Variants in ZFPM2 observed in about 807,000 individuals in gnomAD.
ZFPM2 encodes the protein zinc finger protein, FOG family member 2, also known as zinc finger protein ZFPM2.
ZFPM2 carries 20 observed loss-of-function variants against 98.6 expected under a neutral mutation model. The ratio of observed to expected loss-of-function variants is 0.20; its 90% confidence interval spans 0.14 to 0.29. ZFPM2 has a LOEUF of 0.29. Among genes scored for constraint, ZFPM2 ranks in the 10% least tolerant of loss-of-function variants. The pLI is 1.00. For synonymous variants in ZFPM2, 518 were observed against 502.7 expected (o/e 1.03, Z -0.41); for missense variants, 1,310 against 1,388.6 (o/e 0.94, Z 0.90).
intron 2 of ZFPM2, among the ~76,000 whole-genome samples, chr8:105,422,213 G>A (rs1471650742): frequency 8.6e-5 from 13 of 151,998 alleles, no homozygotes; most frequent in South Asian, 2.1e-4. Context: ...TGAGGCAGGC[G>A]GATCACCTGA....
intron 3 of ZFPM2, among the ~76,000 whole-genome samples, chr8:105,452,593 T>TA (rs1375747595): frequency 6.0e-5 from 9 of 150,806 alleles, no homozygotes; most frequent in East Asian, 3.9e-4. Flanking sequence ...TACAAAAAAT[T>TA]AAAAAAAAAT....
chr8:105,606,332 A>G (rs1586145357), intron 4 of ZFPM2, among the ~76,000 whole-genome samples: 1 of 151,774 alleles, frequency 6.6e-6, no homozygotes, highest in African/African-American at 2.4e-5. Context: ...CTTCTTCTAT[A>G]TACGTTCAGA....
chr8:105,635,975 C>A (rs1008005285), intron 5 of ZFPM2, among the ~76,000 whole-genome samples: 11 of 151,888 alleles, frequency 7.2e-5, no homozygotes, highest in Non-Finnish European at 2.9e-5. Context: ...GGAAATGAGA[C>A]CCAAGTCTAA....
intron 3 of ZFPM2, among the ~76,000 whole-genome samples, chr8:105,522,637 G>A (rs546317383): frequency 2.0e-5 from 3 of 152,188 alleles, no homozygotes; most frequent in South Asian, 2.1e-4. Flanking sequence ...GGGCATGGTG[G>A]TACACACCTG....
At chr8:105,732,294 C>T (rs1811958998) in intron 5 of ZFPM2, among the ~76,000 whole-genome samples, 1 of 151,808 alleles carries the variant, frequency 6.6e-6, no homozygotes, top group African/African-American at 2.4e-5. Flanking sequence ...TGTACTCTCT[C>T]CTTCTTAATC....
intron 5 of ZFPM2, among the ~76,000 whole-genome samples, chr8:105,758,787 T>G (rs977495594): frequency 2.6e-5 from 4 of 152,100 alleles, no homozygotes; most frequent in African/African-American, 9.7e-5. Flanking sequence ...CTCTGAACGC[T>G]CATACAGAAA....
intron 3 of ZFPM2, among the ~76,000 whole-genome samples, chr8:105,488,647 C>T (rs1813285987): frequency 6.6e-6 from 1 of 151,996 alleles, no homozygotes; most frequent in African/African-American, 2.4e-5. Context: ...GCCTGTAGTC[C>T]CAGCTACTCA....
chr8:105,528,871 C>G (rs1182476940), intron 3 of ZFPM2: 1 of 152,154 alleles, frequency 6.6e-6, no homozygotes, highest in Non-Finnish European at 1.5e-5. Context: ...TTCCAGAACT[C>G]TAAGCCAGCC....
intron 3 of ZFPM2, among the ~76,000 whole-genome samples, chr8:105,542,039 T>G (rs1448991696): frequency 6.6e-6 from 1 of 152,166 alleles, no homozygotes; most frequent in African/African-American, 2.4e-5. Context: ...TGTCACAAAT[T>G]ACTTTTTCAG....
chr8:105,761,361 A>G (rs1276456487), intron 5 of ZFPM2, among the ~76,000 whole-genome samples: 1 of 152,066 alleles, frequency 6.6e-6, no homozygotes, highest in Non-Finnish European at 1.5e-5. Flanking sequence ...GAGTAACTAA[A>G]TGAATTAATG....
intron 2 of ZFPM2, among the ~76,000 whole-genome samples, chr8:105,432,095 A>G (rs1237091905): frequency 6.6e-6 from 1 of 152,084 alleles, no homozygotes; most frequent in Admixed American, 6.6e-5. Context: ...CAGAGAGACC[A>G]GGAAGGACAA....
At chr8:105,500,005 G>A (rs569251504) in intron 3 of ZFPM2, among the ~76,000 whole-genome samples, 8 of 152,078 alleles carry the variant, frequency 5.3e-5, no homozygotes, top group Non-Finnish European at 8.8e-5. Flanking sequence ...GTTTTGTTTC[G>A]CATTTTGGTG....
intron 4 of ZFPM2, among the ~76,000 whole-genome samples, chr8:105,615,913 G>T (rs542228266): frequency 2.6e-5 from 4 of 152,014 alleles, no homozygotes. Context: ...TAAGGAAAAC[G>T]GCATGGTGTT....
intron 3 of ZFPM2, among the ~76,000 whole-genome samples, chr8:105,548,118 TCAC>T (rs889491911): frequency 3.0e-4 from 45 of 152,116 alleles, no homozygotes; most frequent in African/African-American, 1.0e-3. Context: ...ATTCAGAACT[TCAC>T]CAAGTAGATC....
intron 1 of ZFPM2, among the ~76,000 whole-genome samples, chr8:105,350,302 C>A (rs1478865645): frequency 6.6e-6 from 1 of 152,108 alleles, no homozygotes; most frequent in Non-Finnish European, 1.5e-5. Flanking sequence ...GAAATGATTT[C>A]CTTGGCCGTA....
At chr8:105,333,921 G>A (rs1020511443) in intron 1 of ZFPM2, among the ~76,000 whole-genome samples, 3 of 151,600 alleles carry the variant, frequency 2.0e-5, no homozygotes, top group Non-Finnish European at 4.4e-5. Flanking sequence ...GTTTCTTTGG[G>A]AATGAGGTCT....
At chr8:105,681,263 T>A (rs1810593630) in intron 5 of ZFPM2, among the ~76,000 whole-genome samples, 1 of 152,160 alleles carries the variant, frequency 6.6e-6, no homozygotes, top group Admixed American at 6.5e-5. Context: ...CCCTGCCCTC[T>A]TGCCATCAGT....
intron 4 of ZFPM2, among the ~76,000 whole-genome samples, chr8:105,582,963 C>T (rs772572888): frequency 7.2e-4 from 110 of 152,180 alleles, no homozygotes; most frequent in Non-Finnish European, 1.5e-3. Context: ...CTATGTTGCT[C>T]GTTTTTCTTG....
intron 1 of ZFPM2, among the ~76,000 whole-genome samples, chr8:105,405,086 C>T (rs1389238086): frequency 1.3e-5 from 2 of 151,884 alleles, no homozygotes; most frequent in African/African-American, 2.4e-5. Context: ...TCTGTTCACA[C>T]GTGGAAACAA....
Sources: allele counts gnomAD v4.1 joint callset (sites outside exome capture counted in the v4.1 genomes callset), GRCh38; gene constraint gnomAD v4.1.1; transcripts MANE v1.5; gene names NCBI Gene and HGNC (gene_info 2026-07-23, HGNC 2026-07-21).